The following DPYD variants were observed in gnomAD, a reference collection of about 807,000 sequenced individuals.
DPYD encodes dihydropyrimidine dehydrogenase.
Under a neutral mutation model 116.2 loss-of-function variants are expected in DPYD, and 109 were observed. The ratio of observed to expected loss-of-function variants is 0.94; its 90% CI spans 0.80 to 1.10. DPYD has a LOEUF of 1.10. DPYD is among the 50% of genes least tolerant of loss of function. DPYD has a pLI of 0.00. For missense variants in DPYD, 1,302 were observed against 1,254.5 expected, an observed-to-expected ratio of 1.04 and a Z score of -0.57; for synonymous variants, 440 against 432.0, an observed-to-expected ratio of 1.02 and a Z score of -0.23.
At chr1:97,392,999 T>C (rs1672798353) in intron 14 of DPYD, among the ~76,000 whole-genome samples, 2 of 152,044 alleles carry the variant, frequency 1.3e-5, no homozygotes, top group Admixed American at 6.6e-5. Flanking sequence ...TAAAATGTTA[T>C]CCAGACCACT....
At chr1:97,420,364 G>A (rs1330239118) in intron 14 of DPYD, among the ~76,000 whole-genome samples, 1 of 152,156 alleles carries the variant, frequency 6.6e-6, no homozygotes, top group Non-Finnish European at 1.5e-5. Flanking sequence ...AGATGAAAGA[G>A]TCTGTGTTTA....
intron 8 of DPYD, among the ~76,000 whole-genome samples, chr1:97,605,013 A>G (rs1312914711): frequency 1.3e-5 from 2 of 151,942 alleles, no homozygotes; most frequent in African/African-American, 4.8e-5. Context: ...ACATTTCCCC[A>G]CTCTAGCATT....
intron 20 of DPYD, among the ~76,000 whole-genome samples, chr1:97,114,809 C>T (rs763999687): frequency 3.9e-5 from 6 of 152,276 alleles, no homozygotes; most frequent in Non-Finnish European, 8.8e-5. Flanking sequence ...TTCCTGTTAA[C>T]CATCCAATGA....
In DPYD at chr1:97,658,911, A is replaced by T. The variant is rs74988230; in HGVS notation, c.850+20184T>A. ...GGTTTATAATGCTAGTTCACTGAAC[A>T]CCTGGCTCTCTGGAACCATCTTTCA... is the stretch of plus-strand genomic sequence containing the variant. On this transcript the variant is annotated intron_variant, in intron 8 of 22. Coordinates refer to ENST00000370192, the MANE Select transcript of DPYD (RefSeq NM_000110.4). Among the ~76,000 whole-genome samples, 181 of 152,254 alleles carry T rather than the reference A, an allele frequency of 1.2e-3. 1 individual carries two copies. Among genetic ancestry groups the T allele is most frequent in the East Asian group, 3.9e-3 (20 of 5,178 alleles).
intron 2 of DPYD, among the ~76,000 whole-genome samples, chr1:97,851,933 C>A (rs939219241): frequency 6.7e-6 from 1 of 150,094 alleles, no homozygotes; most frequent in African/African-American, 2.5e-5. Flanking sequence ...CACATGTATA[C>A]CTATGTATCA....
At chr1:97,448,413 C>T (rs1676210956) in intron 14 of DPYD, among the ~76,000 whole-genome samples, 1 of 152,048 alleles carries the variant, frequency 6.6e-6, no homozygotes, top group Non-Finnish European at 1.5e-5. Context: ...ATAATACTAC[C>T]TATCTTATAA....
intron 2 of DPYD, among the ~76,000 whole-genome samples, chr1:97,851,490 G>A (rs1670565730): frequency 1.3e-5 from 2 of 151,790 alleles, no homozygotes; most frequent in South Asian, 4.1e-4. Context: ...ATGGCATACA[G>A]CATCACGGAA....
At chr1:97,599,028 A>G (rs537596996) in intron 8 of DPYD, among the ~76,000 whole-genome samples, 1 of 152,202 alleles carries the variant, frequency 6.6e-6, no homozygotes, top group Non-Finnish European at 1.5e-5. Flanking sequence ...TGTATGTATT[A>G]AGTTTCTCTA....
intron 18 of DPYD, among the ~76,000 whole-genome samples, chr1:97,285,183 T>C (rs929856379): frequency 4.3e-4 from 65 of 152,268 alleles, no homozygotes; most frequent in African/African-American, 1.4e-3. Flanking sequence ...TCACAGTAAA[T>C]AGACAGGAAA....
intron 4 of DPYD, among the ~76,000 whole-genome samples, chr1:97,725,881 T>C (rs1282493991): frequency 6.6e-6 from 1 of 151,414 alleles, no homozygotes. Context: ...GGTGATAAAA[T>C]TGTTCTCAAA....
chr1:97,511,114 G>A (rs1412678014), intron 13 of DPYD, among the ~76,000 whole-genome samples: 1 of 151,882 alleles, frequency 6.6e-6, no homozygotes, highest in East Asian at 1.9e-4. Flanking sequence ...AACTGATCAT[G>A]CGTGCTGAGC....
At chr1:97,448,196 G>T (rs372881585) in intron 14 of DPYD, among the ~76,000 whole-genome samples, 12 of 152,130 alleles carry the variant, frequency 7.9e-5, no homozygotes, top group Non-Finnish European at 1.6e-4. Flanking sequence ...TGGCCTGGGC[G>T]GGGGGACCCA....
At chr1:97,261,505 TTTTTTTTTTTTA>T (rs1663874081) in intron 18 of DPYD, among the ~76,000 whole-genome samples, 2 of 86,038 alleles carry the variant, frequency 2.3e-5, no homozygotes, top group South Asian at 7.8e-4. Flanking sequence ...TTTTTTTTTT[TTTTTTTTTTTTA>T]AAAAAGAACG....
intron 15 of DPYD, among the ~76,000 whole-genome samples, chr1:97,380,454 T>C (rs1286838443): frequency 6.6e-6 from 1 of 152,194 alleles, no homozygotes; most frequent in Non-Finnish European, 1.5e-5. Flanking sequence ...TTGAAGAATA[T>C]AGAACATGAA....
intron 14 of DPYD, among the ~76,000 whole-genome samples, chr1:97,437,833 T>C (rs756377139): frequency 3.9e-5 from 6 of 152,014 alleles, no homozygotes; most frequent in Non-Finnish European, 7.4e-5. Context: ...TCAAAAGTTT[T>C]CTTCAAAAAG....
At chr1:97,287,196 G>C (rs1443733861) in intron 18 of DPYD, among the ~76,000 whole-genome samples, 1 of 152,188 alleles carries the variant, frequency 6.6e-6, no homozygotes, top group Non-Finnish European at 1.5e-5. Flanking sequence ...GTCCACTCCA[G>C]ACCCTGTTTG....
intron 3 of DPYD, among the ~76,000 whole-genome samples, chr1:97,762,743 C>A (rs1303240317): frequency 6.6e-6 from 1 of 151,966 alleles, no homozygotes; most frequent in Non-Finnish European, 1.5e-5. Flanking sequence ...AAGATGTACA[C>A]CTCCAATTTG....
chr1:97,079,449 C>T (rs537674800), intron 22 of DPYD, among the ~76,000 whole-genome samples: 3 of 152,166 alleles, frequency 2.0e-5, no homozygotes, highest in South Asian at 4.2e-4. Context: ...GAGCAGAGTT[C>T]GGGTCTTTCC....
chr1:97,195,279 G>A (rs1295109771), intron 19 of DPYD, among the ~76,000 whole-genome samples: 4 of 151,942 alleles, frequency 2.6e-5, no homozygotes, highest in Non-Finnish European at 1.5e-5. Context: ...GTCTGGCAAT[G>A]GCAGCCAACA....
Sources: gnomAD v4.1 joint callset for allele counts (sites outside exome capture counted in the v4.1 genomes callset) on GRCh38, gnomAD v4.1.1 for gene constraint, MANE v1.5 for transcripts, NCBI Gene and HGNC (gene_info 2026-07-23, HGNC 2026-07-21) for gene names.